Variants in PCMTD2 observed in about 807,000 individuals in gnomAD.
The protein encoded by PCMTD2 is protein-L-isoaspartate (D-aspartate) O-methyltransferase domain containing 2.
Under a neutral mutation model 33.4 loss-of-function variants are expected in PCMTD2, and 16 were observed. The ratio of observed to expected loss-of-function variants is 0.48; its 90% CI spans 0.32 to 0.73. PCMTD2 has a LOEUF of 0.73. PCMTD2 is among the 30% of genes least tolerant of loss of function. The pLI is 0.03. For missense variants in PCMTD2, 374 were observed against 449.9 expected, an observed-to-expected ratio of 0.83 and a Z score of 1.53; for synonymous variants, 161 against 160.8, an observed-to-expected ratio of 1.00 and a Z score of -0.01.
Position 64,274,689 on chromosome 20 carries a change from ATT to A in PCMTD2, c.*1092_*1093del, listed in dbSNP as rs1275409900. 1 of 152,210 alleles carries A rather than the reference ATT, an allele frequency of 6.6e-6. No individual in the cohort carries two copies. Among genetic ancestry groups the A allele is most frequent in the Non-Finnish European group, 1.5e-5 (1 of 68,034 alleles). The allele number at this position is 152,210 out of a possible 1,614,324, so 9.4% of individuals were successfully genotyped here. ...TTTTTTTGTAAGACCAAATGTATGTATTTTAGTAGCTCCATTGCATGAGAAGA... is the reference window on the plus strand; with the variant it reads ...TTTTTTTGTAAGACCAAATGTATGTATTAGTAGCTCCATTGCATGAGAAGA... On this transcript the variant is annotated 3_prime_UTR_variant, in exon 6 of 6. Transcript: ENST00000308824.
At position 64,260,768 on chromosome 20, in the gene PCMTD2, C is replaced by T. The variant is rs1359371541; in HGVS notation, c.307+496C>T. Among the ~76,000 whole-genome samples, 10 of 145,554 alleles carry T rather than the reference C, an allele frequency of 6.9e-5. 3 individuals carry two copies. The South Asian group carries it at 1.7e-3, about 25-fold the overall frequency. On this transcript the variant is annotated intron_variant, in intron 2 of 5. Coordinates refer to ENST00000308824, the MANE Select transcript of PCMTD2 (RefSeq NM_018257.3). ...TCGTCTAGGCTGGAGTGCCGTGACA[C>T]GAGCAAGGCCCACTGTAGCCTTGAC...
At chr20:64,269,888 TGTGA>T in intron 5 of PCMTD2, among the ~76,000 whole-genome samples, 1 of 132,408 alleles carries the variant, frequency 7.6e-6, no homozygotes, top group East Asian at 2.3e-4. Context: ...TGTGGGGTCG[TGTGA>T]GTGCGGGCAT....
chr20:64,274,962 C>T lies in PCMTD2; in HGVS notation c.*1362C>T, dbSNP rs1986055982. The T allele has an allele frequency of 6.6e-6, 1 of 152,082 alleles. No homozygotes were observed. Among genetic ancestry groups the T allele is most frequent in the African/African-American group, 2.4e-5 (1 of 41,414 alleles). 9.4% of individuals were successfully genotyped at this position (152,082 alleles called of 1,614,324 possible). A position where few individuals can be genotyped will look rare whatever the true frequency, so the allele number is the denominator to read the frequency against. ...AAATTCAGAGTGTTGATATAGGATT[C>T]AGTATCCAGAGTTTATTTTTAATCT... is the stretch of plus-strand genomic sequence containing the variant. On this transcript the variant is annotated 3_prime_UTR_variant, in exon 6 of 6. Transcript: ENST00000308824.
In PCMTD2 at chr20:64,274,392, T is replaced by C. The variant is rs961622375; in HGVS notation, c.*792T>C. On this transcript the variant is annotated 3_prime_UTR_variant, in exon 6 of 6. Coordinates refer to ENST00000308824, the MANE Select transcript of PCMTD2 (RefSeq NM_018257.3). ...AGAATATCTTGGAAAAGGAAACAGATTTTTTCCTGTGTGTAAGCAATAAGT... is the reference window on the plus strand; with the variant it reads ...AGAATATCTTGGAAAAGGAAACAGACTTTTTCCTGTGTGTAAGCAATAAGT... 57 of 151,670 alleles carry C rather than the reference T, an allele frequency of 3.8e-4. No individual in the cohort carries two copies. The highest frequency in any genetic ancestry group is 1.3e-3 in the African/African-American group (54 of 41,160). 9.4% of individuals were successfully genotyped at this position (151,670 alleles called of 1,614,324 possible). A position where few individuals can be genotyped will look rare whatever the true frequency, so the allele number is the denominator to read the frequency against.
chr20:64,273,144 A>G (rs1449555749), intron 5 of PCMTD2, 77 bp from the exon 6 acceptor site: 3 of 1,205,276 alleles, frequency 2.5e-6, no homozygotes, highest in African/African-American at 1.5e-5. Context: ...AAATGATGCT[A>G]CGGGTCTTAG....
chr20:64,265,734 C>G (rs890626151), intron 4 of PCMTD2: 18 of 296,912 alleles, frequency 6.1e-5, no homozygotes, highest in Admixed American at 2.9e-4. Flanking sequence ...CTCCTTCCCC[C>G]CAGCTGTTCT....
rs977920509 is a variant in PCMTD2 at position 64,275,049 on chromosome 20, T to A, written c.*1449T>A. 10 of 152,338 alleles carry A rather than the reference T, an allele frequency of 6.6e-5. No individual in the cohort carries two copies. The highest frequency in any genetic ancestry group is 3.4e-3 in the Middle Eastern group (1 of 294). 9.4% of individuals were successfully genotyped at this position (152,338 alleles called of 1,614,324 possible). A position where few individuals can be genotyped will look rare whatever the true frequency, so the allele number is the denominator to read the frequency against. ...GTCTCTGTGGTTTCACCAGCTTAGC[T>A]TGAGCTCTGGTTATTTTGGATCTTT... On this transcript the variant is annotated 3_prime_UTR_variant, in exon 6 of 6. Coordinates refer to ENST00000308824, the MANE Select transcript of PCMTD2 (RefSeq NM_018257.3).
Position 64,264,633 on chromosome 20 carries a change from CTG to C in PCMTD2, c.410+105_410+106del, listed in dbSNP as rs1197236372. ...TCATGTGGTAGGAAACATAATTAAA[CTG>C]TGGTGGGATGATTCTATGTGCCTGT... is the stretch of plus-strand genomic sequence containing the variant. On this transcript the variant is annotated intron_variant, in intron 3 of 5. Coordinates refer to ENST00000308824, the MANE Select transcript of PCMTD2 (RefSeq NM_018257.3). 8.8e-6 allele frequency: 6 copies of C among 683,162 alleles called. 1 individual carries two copies. Among genetic ancestry groups the C allele is most frequent in the South Asian group, 5.0e-5 (3 of 59,692 alleles). 42.3% of individuals were successfully genotyped at this position (683,162 alleles called of 1,614,324 possible).
At chr20:64,270,640 G>A (rs548010745) in intron 5 of PCMTD2, among the ~76,000 whole-genome samples, 2 of 152,296 alleles carry the variant, frequency 1.3e-5, no homozygotes, top group Non-Finnish European at 2.9e-5. Context: ...GTGGAAAGCT[G>A]TTGAAATTTT....
intron 5 of PCMTD2, among the ~76,000 whole-genome samples, chr20:64,270,248 C>T (rs1376051287): frequency 1.7e-5 from 2 of 118,490 alleles, no homozygotes; most frequent in Admixed American, 8.6e-5. Context: ...GGTGTGGGGT[C>T]GTGTGAGTGT....
intron 1 of PCMTD2, chr20:64,256,505 C>G (rs1028935100): frequency 6.6e-6 from 1 of 152,244 alleles, no homozygotes; most frequent in Non-Finnish European, 1.5e-5. Context: ...TATCCACCCC[C>G]TCTTTACTCG....
intron 5 of PCMTD2, among the ~76,000 whole-genome samples, chr20:64,269,852 C>CATGTGCG (rs1555820245): frequency 7.0e-6 from 1 of 141,936 alleles, no homozygotes; most frequent in African/African-American, 2.6e-5. Flanking sequence ...TGGGTGCTGG[C>CATGTGCG]GTGTGGGGGG....
chr20:64,257,566 G>C (rs999784597), intron 1 of PCMTD2, among the ~76,000 whole-genome samples: 1 of 152,184 alleles, frequency 6.6e-6, no homozygotes, highest in African/African-American at 2.4e-5. Flanking sequence ...CGGTGTTTTT[G>C]GTGACATCAT....
intron 5 of PCMTD2, among the ~76,000 whole-genome samples, chr20:64,270,175 T>C (rs1985847219): frequency 7.8e-6 from 1 of 128,192 alleles, no homozygotes. Flanking sequence ...TGGGGTCGTG[T>C]GGGTGTGCAC....
rs1432053498 is a variant in PCMTD2, at chr20:64,267,999, T to C, written c.695T>C (p.Leu232Pro). ...PCHSESGKSR[L>P]VQLPPVAVRS... ...CATTCAGAGTCAGGAAAATCAAGAC[T>C]TGTCCAGTTACGTAAGTATACCAAT... The change falls in exon 5 of 6, where the codon CTT (leucine) becomes CCT (proline). Residue 232 changes from leucine to proline, a missense_variant. Physicochemically the swap from Leu to Pro is moderately conservative, Grantham distance 98 (BLOSUM62 -3). Transcript: ENST00000308824. The C allele has an allele frequency of 4.3e-6, 7 of 1,612,250 alleles. No homozygotes were observed. The highest frequency in any genetic ancestry group is 5.1e-6 in the Non-Finnish European group (6 of 1,178,584).
intron 4 of PCMTD2, 59 bp downstream of exon 4, chr20:64,265,488 C>A: frequency 7.6e-7 from 1 of 1,317,838 alleles, no homozygotes; most frequent in Non-Finnish European, 1.1e-6. Flanking sequence ...CTGTTCTGGG[C>A]AGTGTACGGA....
Position 64,260,120 on chromosome 20 carries a change from A to C in PCMTD2, c.155A>C (p.Lys52Thr). ...YLEEFKENAY[K>T]DLAWKHGNIH... ...GAAGAATTTAAAGAAAATGCTTATA[A>C]AGACTTGGCATGGAAGCATGGAAAC... Residue 52 changes from lysine (K) to threonine (T), a missense_variant, in exon 2 of 6, where the codon AAA becomes ACA. Transcript: ENST00000308824. 1 of 1,613,982 alleles carries C rather than the reference A, an allele frequency of 6.2e-7. No individual in the cohort carries two copies. Among genetic ancestry groups the C allele is most frequent in the African/African-American group, 1.3e-5 (1 of 75,040 alleles).
intron 4 of PCMTD2, 76 bp downstream of exon 4, chr20:64,265,505 C>T (rs775961299): frequency 5.3e-6 from 6 of 1,124,706 alleles, no homozygotes; most frequent in East Asian, 2.5e-5. Context: ...CGGATACTTA[C>T]TCTTTTAACA....
rs62219726 is a variant in PCMTD2 at position 64,270,824 on chromosome 20, G to A, written c.707-2397G>A. On this transcript the variant is annotated intron_variant, in intron 5 of 5. Transcript: ENST00000308824. ...GCACGTGAGGTGTTCGTTGTGATAC[G>A]TACAATGGTACAGTCCTTCTGAGGA... 9.2e-3 allele frequency among the ~76,000 whole-genome samples: 501 copies of A among 54,468 alleles called. 11 individuals carry two copies. Among genetic ancestry groups the A allele is most frequent in the African/African-American group, 0.046 (251 of 5,496 alleles). The allele number at this position is 54,468 out of a possible 152,430, so 35.7% of individuals were successfully genotyped here.
Sources: gnomAD v4.1 joint callset for allele counts (sites outside exome capture counted in the v4.1 genomes callset) on GRCh38, gnomAD v4.1.1 for gene constraint, MANE v1.5 for transcripts, NCBI Gene and HGNC (gene_info 2026-07-23, HGNC 2026-07-21) for gene names.